Variants in NFX1 observed in about 807,000 individuals in gnomAD.
NFX1 encodes nuclear transcription factor, X-box binding 1.
A neutral mutation model predicts 137.2 loss-of-function variants in NFX1; 69 were observed. The ratio of observed to expected loss-of-function variants is 0.50; its 90% CI spans 0.41 to 0.61. The LOEUF is 0.61. Ranked by LOEUF, NFX1 falls within the 20% of genes least tolerant of loss-of-function variation. The pLI, the probability that NFX1 is intolerant of heterozygous loss-of-function variation, is 0.00. For synonymous variants in NFX1, 495 were observed against 474.1 expected (o/e 1.04, Z -0.57); for missense variants, 1,167 against 1,391.0 (o/e 0.84, Z 2.56).
At chr9:33,357,951 C>T (rs1297712830) in intron 19 of NFX1, among the ~76,000 whole-genome samples, 1 of 152,120 alleles carries the variant, frequency 6.6e-6, no homozygotes, top group Non-Finnish European at 1.5e-5. Context: ...AATTTGGAAT[C>T]TTTACAATGT....
At chr9:33,350,570 A>C (rs558356666) in intron 15 of NFX1, among the ~76,000 whole-genome samples, 5 of 152,358 alleles carry the variant, frequency 3.3e-5, no homozygotes, top group African/African-American at 9.6e-5. Flanking sequence ...CTTCTGCTGC[A>C]AATCCTTTTG....
intron 23 of NFX1, among the ~76,000 whole-genome samples, chr9:33,368,760 G>A (rs1824241613): frequency 6.6e-6 from 1 of 152,296 alleles, no homozygotes; most frequent in East Asian, 1.9e-4. Context: ...GGTGGTTACG[G>A]CAGTTCACAA....
intron 15 of NFX1, chr9:33,348,733 A>G: frequency 1.7e-5 from 17 of 983,366 alleles, no homozygotes; most frequent in Non-Finnish European, 2.1e-5. Flanking sequence ...AGAAATGCAT[A>G]TTTATTGTAC....
rs1288204132 is a variant in NFX1, at chr9:33,294,677, T to C, written c.283T>C (p.Ser95Pro). 6.2e-7 allele frequency: 1 copy of C among 1,614,088 alleles called. No homozygotes were observed. Among genetic ancestry groups the C allele is most frequent in the Non-Finnish European group, 8.5e-7 (1 of 1,180,020 alleles). ...TTTCCAGTCCTCTCCTTGTAATAAA[T>C]CGCCCAAGAGCCATGGCCTTCAGAA... is the stretch of plus-strand genomic sequence containing the variant. ...TSFQSSPCNK[S>P]PKSHGLQNQP... Residue 95 changes from serine to proline, a missense_variant, in exon 2 of 24, where the codon TCG becomes CCG. Coordinates refer to ENST00000379540, the MANE Select transcript of NFX1 (RefSeq NM_002504.6).
At chr9:33,363,012 C>T (rs1824050558) in intron 19 of NFX1, among the ~76,000 whole-genome samples, 1 of 151,476 alleles carries the variant, frequency 6.6e-6, no homozygotes, top group Admixed American at 6.6e-5. Flanking sequence ...CCTAAGTTCT[C>T]GTGTTCTATG....
At chr9:33,328,313 C>T (rs1397087395) in intron 9 of NFX1, among the ~76,000 whole-genome samples, 1 of 152,078 alleles carries the variant, frequency 6.6e-6, no homozygotes, top group Non-Finnish European at 1.5e-5. Context: ...GCATGAGCCA[C>T]CACACTTGGC....
chr9:33,314,391 A>G (rs1436041640), intron 7 of NFX1, among the ~76,000 whole-genome samples: 3 of 151,876 alleles, frequency 2.0e-5, no homozygotes, highest in East Asian at 1.9e-4. Context: ...TTTAAAAATG[A>G]ACTGGCCGGG....
Position 33,338,542 on chromosome 9 carries a change from A to G in NFX1, c.2068A>G (p.Lys690Glu). ...ATFMCDKRCN[K>E]KRLCGRHKCN... ...ATTTATGTGTGACAAGCGGTGTAACAAGAAACGGTTGTGTGGACGGCATAA... is the reference window on the plus strand; with the variant it reads ...ATTTATGTGTGACAAGCGGTGTAACGAGAAACGGTTGTGTGGACGGCATAA... Residue 690 changes from lysine to glutamate, a missense_variant, in exon 12 of 24, where the codon AAG (lysine) becomes GAG (glutamate). Around this residue, in one of 3 missense-constraint regions of NFX1, gnomAD observed 488 missense variants for 691.5 expected, o/e 0.71. Coordinates refer to ENST00000379540, the MANE Select transcript of NFX1 (RefSeq NM_002504.6). The G allele has an allele frequency of 6.2e-7, 1 of 1,603,992 alleles. No individual in the cohort carries two copies. Among genetic ancestry groups the G allele is most frequent in the African/African-American group, 1.3e-5 (1 of 74,110 alleles).
chr9:33,353,683 CTTTTTTTTT>C (rs111306917), intron 17 of NFX1, among the ~76,000 whole-genome samples: 1 of 110,098 alleles, frequency 9.1e-6, no homozygotes. Flanking sequence ...GATAGATTTG[CTTTTTTTTT>C]TTTTTTTTTT....
chr9:33,303,295 C>T, intron 4 of NFX1, 27 bp downstream of exon 4: 2 of 1,578,416 alleles, frequency 1.3e-6, no homozygotes, highest in African/African-American at 2.7e-5. Context: ...ACACTGGAGT[C>T]TCTTTTACTA....
At chr9:33,328,712 C>A in intron 10 of NFX1, 34 bp downstream of exon 10, 1 of 1,516,216 alleles carries the variant, frequency 6.6e-7, no homozygotes, top group Non-Finnish European at 9.1e-7. Flanking sequence ...TTGTTGCCAT[C>A]AATGTTTTCT....
rs538359378 is a variant in NFX1, at chr9:33,323,919, CT to C, written c.1907-4661del. 9.7e-3 allele frequency among the ~76,000 whole-genome samples: 1,483 copies of C among 152,240 alleles called. 19 individuals carry two copies. The highest frequency in any genetic ancestry group is 0.033 in the African/African-American group (1,381 of 41,542). On this transcript the variant is annotated intron_variant, in intron 9 of 23. Transcript: ENST00000379540. ...TTTAAAAGAGGCCCAAATGGAAATT[CT>C]GAAGTTTAAAAGTAGGATAACCGAA...
At chr9:33,345,728 T>G (rs1290170001) in intron 14 of NFX1, among the ~76,000 whole-genome samples, 1 of 152,242 alleles carries the variant, frequency 6.6e-6, no homozygotes, top group Non-Finnish European at 1.5e-5. Context: ...TATAAACTTT[T>G]AATTTCAATT....
At position 33,370,078 on chromosome 9, in the gene NFX1, A is replaced by G; in HGVS notation, c.*100A>G. The G allele has an allele frequency of 1.2e-6, 1 of 852,880 alleles. No individual in the cohort carries two copies. Among genetic ancestry groups the G allele is most frequent in the Non-Finnish European group, 1.9e-6 (1 of 520,146 alleles). The allele number at this position is 852,880 out of a possible 1,614,324, so 52.8% of individuals were successfully genotyped here. A position where few individuals can be genotyped will look rare whatever the true frequency, so the allele number is the denominator to read the frequency against. On this transcript the variant is annotated 3_prime_UTR_variant, in exon 24 of 24. Transcript: ENST00000379540. ...CCGTTCCCCTCTGCCTGGCAGAATC[A>G]CAGTCTCACATACTGTCTTGTACTG...
intron 10 of NFX1, among the ~76,000 whole-genome samples, chr9:33,331,941 T>G (rs1295226008): frequency 2.0e-5 from 3 of 152,238 alleles, no homozygotes; most frequent in Non-Finnish European, 4.4e-5. Context: ...ACCACTCACA[T>G]GTAGTGGAAA....
intron 5 of NFX1, among the ~76,000 whole-genome samples, chr9:33,309,603 T>C (rs1205609851): frequency 6.6e-6 from 1 of 152,194 alleles, no homozygotes; most frequent in Non-Finnish European, 1.5e-5. Context: ...CCAAGAAAGC[T>C]TTGCTTTCTC....
chr9:33,344,628 A>G (rs1823346274), intron 14 of NFX1, among the ~76,000 whole-genome samples: 1 of 152,084 alleles, frequency 6.6e-6, no homozygotes, highest in South Asian at 2.1e-4. Context: ...GCACTTTGGG[A>G]GAGCAAGGAG....
intron 1 of NFX1, among the ~76,000 whole-genome samples, chr9:33,292,096 C>CAGA (rs1821183549): frequency 1.3e-5 from 2 of 152,098 alleles, no homozygotes; most frequent in South Asian, 2.1e-4. Context: ...ATTTCTGTAC[C>CAGA]CTTCAGTGTT....
intron 9 of NFX1, among the ~76,000 whole-genome samples, chr9:33,324,682 T>C (rs972808331): frequency 2.6e-5 from 4 of 151,614 alleles, no homozygotes; most frequent in Non-Finnish European, 4.4e-5. Context: ...AATCCCAGCA[T>C]TTTGGGAGGC....
Sources: gnomAD v4.1 joint callset for allele counts (sites outside exome capture counted in the v4.1 genomes callset) on GRCh38, gnomAD v4.1.1 for gene constraint, gnomAD v4.1.1 regional missense constraint, MANE v1.5 for transcripts, NCBI Gene and HGNC (gene_info 2026-07-23, HGNC 2026-07-21) for gene names.